TBCK: variants seen among roughly 807,000 people sequenced by gnomAD.
TBCK encodes TBC1 domain containing kinase.
A neutral mutation model predicts 113.4 loss-of-function variants in TBCK; 99 were observed. That is an observed-to-expected ratio of 0.87 (90% CI 0.74 to 1.03). The LOEUF (loss-of-function observed/expected upper bound fraction) is 1.03, where lower values mean the gene tolerates loss of function less well. Among genes scored for constraint, TBCK ranks in the 50% least tolerant of loss-of-function variants. TBCK has a pLI of 0.00. For synonymous variants in TBCK, 369 were observed against 370.8 expected, an observed-to-expected ratio of 1.00 and a Z score of 0.05; for missense variants, 1,045 against 1,061.3, an observed-to-expected ratio of 0.98 and a Z score of 0.21.
chr4:106,254,074 T>C (rs1013378588), intron 5 of TBCK, among the ~76,000 whole-genome samples: 2 of 152,204 alleles, frequency 1.3e-5, no homozygotes, highest in African/African-American at 4.8e-5. Flanking sequence ...TTCTTTCTTT[T>C]TTTTTTAACT....
At chr4:106,155,115 T>G (rs1044855084) in intron 23 of TBCK, among the ~76,000 whole-genome samples, 11 of 151,986 alleles carry the variant, frequency 7.2e-5, no homozygotes, top group Middle Eastern at 6.3e-3. Context: ...TTTAATGACA[T>G]TTTTGGAGGA....
intron 20 of TBCK, among the ~76,000 whole-genome samples, chr4:106,201,358 A>G (rs1338305969): frequency 6.6e-6 from 1 of 152,092 alleles, no homozygotes; most frequent in African/African-American, 2.4e-5. Flanking sequence ...AAAAGACATC[A>G]AGATACAATA....
intron 3 of TBCK, among the ~76,000 whole-genome samples, chr4:106,278,816 T>C (rs928407291): frequency 6.6e-6 from 1 of 151,806 alleles, no homozygotes; most frequent in South Asian, 2.1e-4. Context: ...TATAATCAAC[T>C]CATAAAACAC....
rs542385650 is a variant in TBCK at position 106,117,029 on chromosome 4, C to CCT, written c.2236-653_2236-652dup. ...AACACTGTCTTCTAGGAAACCAGTC[C>CCT]CTGGTGCCAAAACGGCTGGGGACCG... is the stretch of plus-strand genomic sequence containing the variant. On this transcript the variant is annotated intron_variant, in intron 23 of 25. Transcript: ENST00000394708. 7.2e-5 allele frequency among the ~76,000 whole-genome samples: 11 copies of CCT among 152,166 alleles called. No individual in the cohort carries two copies. In the South Asian group the frequency reaches 2.3e-3, roughly 32 times the overall value.
Position 106,265,444 on chromosome 4 carries a change from T to C in TBCK, c.267-3232A>G, listed in dbSNP as rs538192227. Among the ~76,000 whole-genome samples, 12 of 151,880 alleles carry C rather than the reference T, an allele frequency of 7.9e-5. No individual in the cohort carries two copies. In the South Asian group the frequency reaches 2.5e-3, roughly 31 times the overall value. ...TTATTATTGACTACAGTCATCCCGT[T>C]GTATTAACTTTCTGTTTTAAGAGCA... On this transcript the variant is annotated intron_variant, in intron 3 of 25. Coordinates refer to ENST00000394708, the MANE Select transcript of TBCK (RefSeq NM_001163435.3).
intron 3 of TBCK, among the ~76,000 whole-genome samples, chr4:106,284,153 T>C (rs1764896204): frequency 6.6e-6 from 1 of 152,144 alleles, no homozygotes; most frequent in African/African-American, 2.4e-5. Flanking sequence ...AAATCTCTAA[T>C]TCACATGACT....
intron 22 of TBCK, among the ~76,000 whole-genome samples, chr4:106,190,267 C>T (rs1753513075): frequency 6.6e-6 from 1 of 152,130 alleles, no homozygotes; most frequent in Admixed American, 6.5e-5. Flanking sequence ...CAAATTGTTT[C>T]CCATTTATAT....
intron 22 of TBCK, among the ~76,000 whole-genome samples, chr4:106,174,979 T>C (rs1751474232): frequency 6.6e-6 from 1 of 151,798 alleles, no homozygotes; most frequent in Non-Finnish European, 1.5e-5. Flanking sequence ...ATACAAAAAT[T>C]AGCCAAATGT....
At chr4:106,143,589 TG>T (rs947302167) in intron 23 of TBCK, among the ~76,000 whole-genome samples, 1 of 152,194 alleles carries the variant, frequency 6.6e-6, no homozygotes, top group African/African-American at 2.4e-5. Context: ...ATATTTAGGT[TG>T]GTGCAAGAGG....
intron 25 of TBCK, 98 bp downstream of exon 25, chr4:106,095,384 G>T: frequency 8.7e-7 from 1 of 1,154,178 alleles, no homozygotes; most frequent in East Asian, 2.6e-5. Flanking sequence ...TAGTATTTGT[G>T]ACCAACTCCT....
At chr4:106,111,965 C>CAGCACAA (rs1394258152) in intron 24 of TBCK, among the ~76,000 whole-genome samples, 2 of 152,278 alleles carry the variant, frequency 1.3e-5, no homozygotes, top group East Asian at 3.9e-4. Context: ...TTAACTCCTG[C>CAGCACAA]AGCACAAAGG....
intron 3 of TBCK, among the ~76,000 whole-genome samples, chr4:106,294,196 C>CT (rs201062605): frequency 0.19 from 28,422 of 147,882 alleles, 2,684 homozygotes; most frequent in South Asian, 0.26. Flanking sequence ...GGAAAATAAT[C>CT]TTTTTTTTTT....
In TBCK at chr4:106,162,353, T is replaced by C. The variant is rs567777653; in HGVS notation, c.2235+8742A>G. 2.6e-5 allele frequency among the ~76,000 whole-genome samples: 4 copies of C among 152,296 alleles called. No homozygotes were observed. The East Asian group carries it at 7.8e-4, about 30-fold the overall frequency. ...ACTGCTTTCATAGGATGGTGTTGAC[T>C]GTCTGCAGCTTTTCCAGATGCATAG... is the stretch of plus-strand genomic sequence containing the variant. On this transcript the variant is annotated intron_variant, in intron 23 of 25. Transcript: ENST00000394708.
At chr4:106,070,558 G>A (rs1737282032) in intron 25 of TBCK, among the ~76,000 whole-genome samples, 1 of 152,080 alleles carries the variant, frequency 6.6e-6, no homozygotes, top group African/African-American at 2.4e-5. Flanking sequence ...TTTTATTGAG[G>A]ATTTTCGCAT....
chr4:106,291,447 C>T (rs2125830921), intron 3 of TBCK, among the ~76,000 whole-genome samples: 1 of 152,324 alleles, frequency 6.6e-6, no homozygotes, highest in East Asian at 1.9e-4. Flanking sequence ...TTCATTGTAA[C>T]AGATGATTCA....
At chr4:106,137,772 AAAAGT>A (rs1471814247) in intron 23 of TBCK, among the ~76,000 whole-genome samples, 1 of 141,044 alleles carries the variant, frequency 7.1e-6, no homozygotes, top group East Asian at 2.0e-4. Flanking sequence ...AAATATAAAG[AAAAGT>A]AGAGACAGAT....
intron 6 of TBCK, among the ~76,000 whole-genome samples, chr4:106,250,817 T>C (rs1761344579): frequency 6.6e-6 from 1 of 151,952 alleles, no homozygotes; most frequent in Non-Finnish European, 1.5e-5. Flanking sequence ...GAGACCAAGA[T>C]GCCTCCTGGG....
chr4:106,226,646 C>T (rs779276820), intron 19 of TBCK, among the ~76,000 whole-genome samples: 33 of 152,068 alleles, frequency 2.2e-4, no homozygotes, highest in Admixed American at 1.0e-3. Context: ...TCTTTTTATA[C>T]GGCACAAATA....
Position 106,295,181 on chromosome 4 carries a change from G to A in TBCK, c.194-15C>T, listed in dbSNP as rs1766160421. 6.2e-7 allele frequency: 1 copy of A among 1,607,394 alleles called. No homozygotes were observed. The highest frequency in any genetic ancestry group is 8.5e-7 in the Non-Finnish European group (1 of 1,177,368). On this transcript the variant is annotated splice_polypyrimidine_tract_variant and intron_variant, in intron 2 of 25. Coordinates refer to ENST00000394708, the MANE Select transcript of TBCK (RefSeq NM_001163435.3). ...CACTAGTCGTTCTGAGAAAAACAAA[G>A]CAAACCCATGTTATATTTTATCAAT...
Sources: gnomAD v4.1 joint callset for allele counts (sites outside exome capture counted in the v4.1 genomes callset) on GRCh38, gnomAD v4.1.1 for gene constraint, MANE v1.5 for transcripts, NCBI Gene and HGNC (gene_info 2026-07-23, HGNC 2026-07-21) for gene names.